Variants in INTS6 observed in about 807,000 individuals in gnomAD.
INTS6 encodes the protein integrator complex subunit 6, also known as DEAD box protein.
In INTS6, 16 loss-of-function variants were observed where a neutral mutation model predicts 104.9. The observed-to-expected ratio is 0.15, with a 90% CI of 0.10 to 0.23. The LOEUF is 0.23. Ranked by LOEUF, INTS6 falls within the 10% of genes least tolerant of loss-of-function variation. The pLI, the probability that INTS6 is intolerant of heterozygous loss-of-function variation, is 1.00. For synonymous variants in INTS6, 324 were observed against 358.7 expected, an observed-to-expected ratio of 0.90 and a Z score of 1.09; for missense variants, 584 against 1,062.8, an observed-to-expected ratio of 0.55 and a Z score of 6.26.
chr13:51,368,431 A>G (rs186183141), intron 16 of INTS6, among the ~76,000 whole-genome samples: 21 of 152,256 alleles, frequency 1.4e-4, no homozygotes, highest in Non-Finnish European at 2.4e-4. Flanking sequence ...ATCTGTTAAC[A>G]TCCTCTAAAT....
the INTS6 span, chr13:51,339,572 C>T: frequency 0.12 from 17,662 of 152,298 alleles, 1,277 homozygotes; most frequent in South Asian, 0.21. Flanking sequence ...GAATTTGGAC[C>T]GAGTGGTAGA....
the INTS6 span, among the ~76,000 whole-genome samples, chr13:51,345,202 G>A: frequency 2.0e-5 from 3 of 152,156 alleles, no homozygotes; most frequent in Admixed American, 2.0e-4. Flanking sequence ...GAGAAACTGA[G>A]GCACAGAAGG....
intron 4 of INTS6, among the ~76,000 whole-genome samples, chr13:51,403,594 G>GAAAAAAAAAAGAAAAAAAAAAA (rs1956486483): frequency 1.6e-5 from 1 of 62,994 alleles, no homozygotes; most frequent in Non-Finnish European, 3.4e-5. Context: ...AAAAAAAAAA[G>GAAAAAAAAAAGAAAAAAAAAAA]AAAAAAAAAA....
At chr13:51,347,832 C>T in the INTS6 span, among the ~76,000 whole-genome samples, 5 of 151,938 alleles carry the variant, frequency 3.3e-5, no homozygotes, top group South Asian at 2.1e-4. Context: ...GTCATCAGAT[C>T]GAGAAAACAT....
At chr13:51,430,616 T>C (rs551631658) in intron 3 of INTS6, among the ~76,000 whole-genome samples, 2 of 152,296 alleles carry the variant, frequency 1.3e-5, no homozygotes, top group South Asian at 4.1e-4. Flanking sequence ...TTCACTTCTT[T>C]ATAAATTTGT....
chr13:51,344,930 A>G, the INTS6 span, among the ~76,000 whole-genome samples: 42 of 152,218 alleles, frequency 2.8e-4, no homozygotes, highest in Non-Finnish European at 5.0e-4. Flanking sequence ...AGAAAAAGTT[A>G]CACACAATAA....
intron 4 of INTS6, among the ~76,000 whole-genome samples, chr13:51,426,175 A>C (rs999354905): frequency 2.6e-5 from 4 of 152,080 alleles, no homozygotes; most frequent in Non-Finnish European, 5.9e-5. Context: ...TTTCATTCAT[A>C]ATGTATCTAT....
At chr13:51,358,206 G>T (rs1443323247), downstream of INTS6, among the ~76,000 whole-genome samples, 1 of 151,998 alleles carries the variant, frequency 6.6e-6, no homozygotes, top group Admixed American at 6.6e-5. Flanking sequence ...TAGCAACTAA[G>T]TGACAAGATG....
At chr13:51,442,124 CTA>C (rs987904883) in intron 3 of INTS6, 1 of 146,652 alleles carries the variant, frequency 6.8e-6, no homozygotes, top group Non-Finnish European at 1.5e-5. Flanking sequence ...ACAGCCTCTC[CTA>C]TGTTTTTGAC....
rs1442832064 is a variant in INTS6 at position 51,389,305 on chromosome 13, A to T, written c.739+14T>A. On this transcript the variant is annotated intron_variant, in intron 6 of 17. Transcript: ENST00000311234. ...AGCAAGTTTTGAATGTCTAAAAGAA[A>T]AGTGCAATAATACCTTCTACAGGGG... 6.2e-7 allele frequency: 1 copy of T among 1,602,914 alleles called. No individual in the cohort carries two copies. Among genetic ancestry groups the T allele is most frequent in the Non-Finnish European group, 8.5e-7 (1 of 1,177,070 alleles).
chr13:51,339,317 G>C, the INTS6 span: 1 of 152,208 alleles, frequency 6.6e-6, no homozygotes, highest in African/African-American at 2.4e-5. Flanking sequence ...ACAGGAGGAG[G>C]GGGGAAGCAT....
In INTS6 at chr13:51,369,302, T is replaced by C; in HGVS notation, c.2113A>G (p.Thr705Ala). 4.4e-6 allele frequency: 7 copies of C among 1,597,590 alleles called. No homozygotes were observed. The highest frequency in any genetic ancestry group is 5.1e-6 in the Non-Finnish European group (6 of 1,169,676). Reference sequence around the variant, plus strand: ...TCATGTATTATCGAATCATTAGTGGTTTCTGAAACTAAAAACAAAGATACG... The same window carrying C: ...TCATGTATTATCGAATCATTAGTGGCTTCTGAAACTAAAAACAAAGATACG... Reference protein sequence around the residue: ...KPLPLHKISETTNDSIIHDVV... With the variant: ...KPLPLHKISEATNDSIIHDVV... The change falls in exon 16 of 18, where the codon ACC becomes GCC. Residue 705 changes from threonine to alanine, a missense_variant. Physicochemically the swap from Thr to Ala is moderately conservative, Grantham distance 58. Transcript: ENST00000311234.
At position 51,369,152 on chromosome 13, in the gene INTS6, G is replaced by A. The variant is rs1467166454; in HGVS notation, c.2263C>T (p.Leu755Phe). The change falls in exon 16 of 18, where the codon CTT becomes TTT. Residue 755 changes from leucine (L) to phenylalanine (F), a missense_variant. Leu to Phe is a conservative substitution (Grantham distance 22). Around this residue, in one of 5 missense-constraint regions of INTS6, gnomAD observed 296 missense variants for 437.0 expected, o/e 0.68. Coordinates refer to ENST00000311234, the MANE Select transcript of INTS6 (RefSeq NM_012141.3). Reference sequence around the variant, plus strand: ...TTGGTTCCTAAATGGTCATGACCAAGAGCCTCCATATGATTGGTTGGCCGT... The same window carrying A: ...TTGGTTCCTAAATGGTCATGACCAAAAGCCTCCATATGATTGGTTGGCCGT... ...LERPTNHMEA[L>F]GHDHLGTNDL... The A allele has an allele frequency of 1.2e-6, 2 of 1,613,826 alleles. No homozygotes were observed. The highest frequency in any genetic ancestry group is 8.5e-7 in the Non-Finnish European group (1 of 1,179,846).
chr13:51,352,691 T>C (rs1251874452), downstream of INTS6, among the ~76,000 whole-genome samples: 1 of 152,116 alleles, frequency 6.6e-6, no homozygotes, highest in Non-Finnish European at 1.5e-5. Context: ...TTTTCAGTCT[T>C]TTACTGTAAT....
At chr13:51,419,146 G>A (rs1956849558) in intron 4 of INTS6, among the ~76,000 whole-genome samples, 1 of 151,956 alleles carries the variant, frequency 6.6e-6, no homozygotes, top group Non-Finnish European at 1.5e-5. Flanking sequence ...TTTATGTCTG[G>A]TATAGTTCAA....
At chr13:51,361,085 C>A (rs535321138), downstream of INTS6, among the ~76,000 whole-genome samples, 24 of 152,030 alleles carry the variant, frequency 1.6e-4, no homozygotes, top group South Asian at 1.5e-3. Context: ...CATATTGAGT[C>A]TTAAGAATTT....
the INTS6 span, among the ~76,000 whole-genome samples, chr13:51,334,566 AT>A: frequency 2.0e-5 from 3 of 152,160 alleles, no homozygotes; most frequent in Admixed American, 1.3e-4. Context: ...TTTTAGTTGG[AT>A]TTTTTTGAGG....
chr13:51,387,613 C>A, intron 6 of INTS6, 73 bp from the exon 7 acceptor site: 1 of 1,114,332 alleles, frequency 9.0e-7, no homozygotes, highest in Non-Finnish European at 1.2e-6. Flanking sequence ...TAAATTATAT[C>A]AATTATTACT....
chr13:51,372,895 T>C (rs532134532), intron 15 of INTS6, among the ~76,000 whole-genome samples: 3 of 152,366 alleles, frequency 2.0e-5, no homozygotes, highest in African/African-American at 7.2e-5. Context: ...TCAGTGTCCA[T>C]ACTCTCCAAC....
Sources: gnomAD v4.1 joint callset for allele counts (sites outside exome capture counted in the v4.1 genomes callset) on GRCh38, gnomAD v4.1.1 for gene constraint, gnomAD v4.1.1 regional missense constraint, MANE v1.5 for transcripts, NCBI Gene and HGNC (gene_info 2026-07-23, HGNC 2026-07-21) for gene names.